The following GRID2 variants were observed in gnomAD, a reference collection of about 807,000 sequenced individuals.
GRID2 encodes glutamate receptor ionotropic, delta-2.
A neutral mutation model predicts 114.8 loss-of-function variants in GRID2; 33 were observed. The ratio of observed to expected loss-of-function variants is 0.29; its 90% confidence interval spans 0.22 to 0.38. GRID2 has a LOEUF of 0.38. Among genes scored for constraint, GRID2 ranks in the 10% least tolerant of loss-of-function variants. The pLI is 1.00. For missense variants in GRID2, 1,184 were observed against 1,257.7 expected (o/e 0.94, Z 0.89); for synonymous variants, 505 against 449.9 (o/e 1.12, Z -1.55).
chr4:92,944,373 C>G (rs1300840833), intron 2 of GRID2, among the ~76,000 whole-genome samples: 1 of 152,320 alleles, frequency 6.6e-6, no homozygotes, highest in African/African-American at 2.4e-5. Context: ...CCCTCTGAGC[C>G]AGGTGCTGGA....
intron 1 of GRID2, among the ~76,000 whole-genome samples, chr4:92,374,276 C>A (rs952915008): frequency 1.3e-5 from 2 of 152,144 alleles, no homozygotes; most frequent in Admixed American, 1.3e-4. Context: ...ACTTGGGTCT[C>A]CATAATCCTT....
chr4:93,783,672 C>A (rs985745187), intron 1 of GRID2, among the ~76,000 whole-genome samples: 2 of 152,226 alleles, frequency 1.3e-5, no homozygotes, highest in Non-Finnish European at 2.9e-5. Flanking sequence ...TACCAGCACA[C>A]CCACTCATGT....
intron 2 of GRID2, among the ~76,000 whole-genome samples, chr4:92,921,110 C>T (rs1184036260): frequency 2.6e-5 from 4 of 152,096 alleles, no homozygotes; most frequent in Non-Finnish European, 4.4e-5. Context: ...CATCTTTCAT[C>T]ACTGATACCC....
At chr4:93,727,441 A>T (rs2110212440) in intron 14 of GRID2, among the ~76,000 whole-genome samples, 1 of 152,270 alleles carries the variant, frequency 6.6e-6, no homozygotes, top group Admixed American at 6.5e-5. Flanking sequence ...ATTGGTCTAA[A>T]ATTCTCTTTT....
chr4:93,779,198 G>T (rs1578790612), downstream of GRID2, among the ~76,000 whole-genome samples: 1 of 139,778 alleles, frequency 7.2e-6, no homozygotes, highest in Non-Finnish European at 1.5e-5. Flanking sequence ...ATCATTTTGT[G>T]TCTCTTTCCC....
At chr4:93,416,633 A>G (rs1767738194) in intron 9 of GRID2, among the ~76,000 whole-genome samples, 1 of 152,068 alleles carries the variant, frequency 6.6e-6, no homozygotes, top group Non-Finnish European at 1.5e-5. Flanking sequence ...GCTTTTTTCC[A>G]ACGCCATCAC....
chr4:93,457,623 G>T (rs1223433929), intron 11 of GRID2, among the ~76,000 whole-genome samples: 1 of 152,264 alleles, frequency 6.6e-6, no homozygotes, highest in Middle Eastern at 3.4e-3. Flanking sequence ...AGTTGATGTG[G>T]CTTGCTCAAA....
At chr4:93,606,973 C>G (rs1157879361) in intron 13 of GRID2, among the ~76,000 whole-genome samples, 1 of 151,944 alleles carries the variant, frequency 6.6e-6, no homozygotes, top group Non-Finnish European at 1.5e-5. Context: ...ATAAATTAGG[C>G]CTTAATAAAC....
intron 1 of GRID2, among the ~76,000 whole-genome samples, chr4:92,373,121 T>C (rs1332316074): frequency 6.6e-6 from 1 of 152,156 alleles, no homozygotes; most frequent in Admixed American, 6.5e-5. Context: ...TTCAAAGCAG[T>C]GGTGCTTTGT....
chr4:92,601,920 G>T (rs535827547), intron 2 of GRID2, among the ~76,000 whole-genome samples: 27 of 151,874 alleles, frequency 1.8e-4, no homozygotes, highest in African/African-American at 6.0e-4. Flanking sequence ...AGAAGAAATG[G>T]ATAAATTCCT....
In GRID2 at chr4:93,018,049, T is replaced by C. The variant is rs184287039; in HGVS notation, c.245-66946T>C. On this transcript the variant is annotated intron_variant, in intron 2 of 15. Transcript: ENST00000282020. ...GAAGAAAACACAAACTGATTTTTATTATGTCCTACAGTTTTTCACTGTTCA... is the reference window on the plus strand; with the variant it reads ...GAAGAAAACACAAACTGATTTTTATCATGTCCTACAGTTTTTCACTGTTCA... Among the ~76,000 whole-genome samples, 16 of 151,882 alleles carry C rather than the reference T, an allele frequency of 1.1e-4. No individual in the cohort carries two copies. In the East Asian group the frequency reaches 2.3e-3, roughly 22 times the overall value.
chr4:93,318,023 T>TATATATATATATATATATA (rs1560493013), intron 8 of GRID2, among the ~76,000 whole-genome samples: 8 of 70,814 alleles, frequency 1.1e-4, no homozygotes, highest in Admixed American at 6.4e-4. Flanking sequence ...ATATATATAT[T>TATATATATATATATATATA]ACTACTTTCT....
At chr4:92,314,324 A>C (rs1025252512) in intron 1 of GRID2, among the ~76,000 whole-genome samples, 1 of 152,154 alleles carries the variant, frequency 6.6e-6, no homozygotes, top group East Asian at 1.9e-4. Context: ...TAATGTACTA[A>C]TTCCAGGAAC....
intron 14 of GRID2, among the ~76,000 whole-genome samples, chr4:93,649,196 T>C (rs1052008379): frequency 1.3e-4 from 20 of 152,158 alleles, no homozygotes; most frequent in African/African-American, 4.6e-4. Flanking sequence ...GTGCCTGTTG[T>C]TCCTTTTGCC....
intron 4 of GRID2, among the ~76,000 whole-genome samples, chr4:93,185,978 T>C (rs1331719273): frequency 6.6e-6 from 1 of 152,076 alleles, no homozygotes; most frequent in Non-Finnish European, 1.5e-5. Flanking sequence ...TTCCCACCTA[T>C]GAGTGAGAAC....
Position 92,819,169 on chromosome 4 carries a change from T to G in GRID2, c.244+228883T>G, listed in dbSNP as rs959849525. Among the ~76,000 whole-genome samples, 57 of 152,116 alleles carry G rather than the reference T, an allele frequency of 3.7e-4. 1 individual carries two copies. Among genetic ancestry groups the G allele is most frequent in the African/African-American group, 1.4e-3 (56 of 41,430 alleles). On this transcript the variant is annotated intron_variant, in intron 2 of 15. Coordinates refer to ENST00000282020, the MANE Select transcript of GRID2 (RefSeq NM_001510.4). ...GGAAAGCATAGTATCATTCAAAGAA[T>G]TATCTAGAAAGTGGATAATTTTGGC... is the stretch of plus-strand genomic sequence containing the variant.
intron 1 of GRID2, among the ~76,000 whole-genome samples, chr4:92,450,727 ATC>A (rs1441664999): frequency 6.6e-6 from 1 of 151,208 alleles, no homozygotes; most frequent in Admixed American, 6.6e-5. Flanking sequence ...CCTCCTTTAA[ATC>A]TCTCTCTTTC....
intron 14 of GRID2, among the ~76,000 whole-genome samples, chr4:93,768,207 G>A (rs1733826385): frequency 6.6e-6 from 1 of 152,204 alleles, no homozygotes; most frequent in Admixed American, 6.5e-5. Context: ...CCTGGGAATA[G>A]GCCTGGCAGG....
intron 4 of GRID2, among the ~76,000 whole-genome samples, chr4:93,200,577 A>ACAAG (rs890069505): frequency 1.3e-5 from 2 of 151,768 alleles, no homozygotes; most frequent in Admixed American, 6.6e-5. Flanking sequence ...AAACAAACAA[A>ACAAG]CAAACAAACA....
Sources: gnomAD v4.1 joint callset for allele counts (sites outside exome capture counted in the v4.1 genomes callset) on GRCh38, gnomAD v4.1.1 for gene constraint, MANE v1.5 for transcripts, NCBI Gene and HGNC (gene_info 2026-07-23, HGNC 2026-07-21) for gene names.